CXADR: variants seen among roughly 807,000 people sequenced by gnomAD.
CXADR encodes coxsackievirus and adenovirus receptor.
CXADR carries 20 observed loss-of-function variants against 40.3 expected under a neutral mutation model. The ratio of observed to expected loss-of-function variants is 0.50; its 90% CI spans 0.35 to 0.72. The LOEUF is 0.72. Among genes scored for constraint, CXADR ranks in the 30% least tolerant of loss-of-function variants. CXADR has a pLI of 0.01. For missense variants in CXADR, 332 were observed against 449.1 expected (o/e 0.74, Z 2.36); for synonymous variants, 150 against 161.3 (o/e 0.93, Z 0.53).
At chr21:17,608,398 C>G in the CXADR span, among the ~76,000 whole-genome samples, 2 of 151,342 alleles carry the variant, frequency 1.3e-5, no homozygotes, top group Non-Finnish European at 2.9e-5. Context: ...CCCAGAAAAG[C>G]AAATCCCAGA....
Position 17,547,201 on chromosome 21 carries a change from T to G in CXADR, c.210+8T>G. ...CAGAAGGTGGATCAAGTGGTAAGTTTGATATGTCCTTGCTCGCTTAGCAGC... is the reference window on the plus strand; with the variant it reads ...CAGAAGGTGGATCAAGTGGTAAGTTGGATATGTCCTTGCTCGCTTAGCAGC... On this transcript the variant is annotated splice_region_variant and intron_variant, in intron 2 of 6. Coordinates refer to ENST00000284878, the MANE Select transcript of CXADR (RefSeq NM_001338.5). 11 of 1,614,148 alleles carry G rather than the reference T, an allele frequency of 6.8e-6. No homozygotes were observed. The highest frequency in any genetic ancestry group is 9.3e-6 in the Non-Finnish European group (11 of 1,180,022).
intron 7 of CXADR, among the ~76,000 whole-genome samples, chr21:17,585,899 A>G (rs2061392302): frequency 6.6e-6 from 1 of 152,240 alleles, no homozygotes; most frequent in South Asian, 2.1e-4. Context: ...TATAATAACT[A>G]TGACATAATT....
intron 1 of CXADR, among the ~76,000 whole-genome samples, chr21:17,517,529 A>G (rs2060476441): frequency 6.6e-6 from 1 of 152,134 alleles, no homozygotes; most frequent in Non-Finnish European, 1.5e-5. Context: ...GCACATTCCC[A>G]ATTTCAACCT....
At chr21:17,600,327 A>G in the CXADR span, among the ~76,000 whole-genome samples, 1 of 152,222 alleles carries the variant, frequency 6.6e-6, no homozygotes, top group Non-Finnish European at 1.5e-5. Context: ...AAACACATAC[A>G]GTTAGAAATG....
At chr21:17,573,523 G>A (rs2061296201), downstream of CXADR, among the ~76,000 whole-genome samples, 1 of 152,122 alleles carries the variant, frequency 6.6e-6, no homozygotes, top group Non-Finnish European at 1.5e-5. Flanking sequence ...ATCCTCAACT[G>A]CCTCTGCCTA....
In CXADR at chr21:17,566,748, G is replaced by C. The variant is rs944015019; in HGVS notation, c.*1056G>C. 171 of 965,244 alleles carry C rather than the reference G, an allele frequency of 1.8e-4. No individual in the cohort carries two copies. Among genetic ancestry groups the C allele is most frequent in the Non-Finnish European group, 2.0e-4 (160 of 811,996 alleles). The allele number at this position is 965,244 out of a possible 1,614,324, so 59.8% of individuals were successfully genotyped here. ...ATTTACCCTCTTGAATATAATCCCTGGATGATATTTTTTATCATAAATGCA... is the reference window on the plus strand; with the variant it reads ...ATTTACCCTCTTGAATATAATCCCTCGATGATATTTTTTATCATAAATGCA... On this transcript the variant is annotated 3_prime_UTR_variant, in exon 7 of 7. Transcript: ENST00000284878.
Position 17,547,123 on chromosome 21 carries a change from C to T in CXADR, c.140C>T (p.Pro47Leu), listed in dbSNP as rs747665479. ...AYLPCKFTLS[P>L]EDQGPLDIEW... ...CTGCCATGCAAATTTACGCTTAGTC[C>T]CGAAGACCAGGGACCGCTGGACATC... Residue 47 changes from proline to leucine, a missense_variant, in exon 2 of 7, where the codon CCC (proline) becomes CTC (leucine). Physicochemically the swap from Pro to Leu is moderately conservative, Grantham distance 98. Transcript: ENST00000284878. 1 of 1,614,120 alleles carries T rather than the reference C, an allele frequency of 6.2e-7. No homozygotes were observed. Among genetic ancestry groups the T allele is most frequent in the East Asian group, 2.2e-5 (1 of 44,876 alleles).
At chr21:17,526,839 TTTG>T (rs1413209331) in intron 1 of CXADR, among the ~76,000 whole-genome samples, 1 of 152,180 alleles carries the variant, frequency 6.6e-6, no homozygotes, top group Admixed American at 6.5e-5. Context: ...GTGTTTTGTT[TTTG>T]TTTTTGTTTT....
chr21:17,549,238 A>T (rs2060935964), intron 2 of CXADR, among the ~76,000 whole-genome samples: 1 of 152,168 alleles, frequency 6.6e-6, no homozygotes, highest in African/African-American at 2.4e-5. Flanking sequence ...GCCCAGAGTA[A>T]CAAGTGCAGT....
At chr21:17,563,971 A>G (rs1053856897) in intron 6 of CXADR, among the ~76,000 whole-genome samples, 2 of 138,622 alleles carry the variant, frequency 1.4e-5, no homozygotes, top group African/African-American at 5.0e-5. Context: ...AGGTATTGAT[A>G]CATTTGCTTG....
chr21:17,592,121 AAGG>A (rs1361506190), intron 7 of CXADR, among the ~76,000 whole-genome samples: 5 of 152,050 alleles, frequency 3.3e-5, no homozygotes, highest in Non-Finnish European at 5.9e-5. Context: ...AGAACTAATT[AAGG>A]AGATTTTGTA....
intron 3 of CXADR, among the ~76,000 whole-genome samples, chr21:17,553,265 A>G (rs752032914): frequency 6.6e-6 from 1 of 152,230 alleles, no homozygotes; most frequent in Non-Finnish European, 1.5e-5. Flanking sequence ...TACTCCTCCT[A>G]CAAGTAGACC....
chr21:17,577,501 T>C (rs917975871), intron 7 of CXADR, among the ~76,000 whole-genome samples: 2 of 151,960 alleles, frequency 1.3e-5, no homozygotes, highest in African/African-American at 4.8e-5. Flanking sequence ...GGAGTCTTTT[T>C]CATTCTTTTG....
At chr21:17,547,679 G>C (rs1208412054) in intron 2 of CXADR, among the ~76,000 whole-genome samples, 2 of 152,176 alleles carry the variant, frequency 1.3e-5, no homozygotes, top group Non-Finnish European at 2.9e-5. Context: ...CAACTACATA[G>C]TATTACAGTC....
intron 1 of CXADR, among the ~76,000 whole-genome samples, chr21:17,524,091 A>T (rs566369271): frequency 6.6e-6 from 1 of 150,618 alleles, no homozygotes; most frequent in South Asian, 2.1e-4. Flanking sequence ...TTGGGGTTTC[A>T]CCATGTTGGC....
intron 7 of CXADR, among the ~76,000 whole-genome samples, chr21:17,581,342 A>G (rs1210022260): frequency 6.6e-6 from 1 of 152,220 alleles, no homozygotes; most frequent in Non-Finnish European, 1.5e-5. Context: ...TGAGTAAAGA[A>G]TATTTTGATA....
the CXADR span, among the ~76,000 whole-genome samples, chr21:17,610,512 C>G: frequency 6.6e-6 from 1 of 152,134 alleles, no homozygotes; most frequent in East Asian, 1.9e-4. Flanking sequence ...AAGAAATAAT[C>G]AGAGATTTAG....
chr21:17,525,289 A>G (rs2060585477), intron 1 of CXADR, among the ~76,000 whole-genome samples: 1 of 152,246 alleles, frequency 6.6e-6, no homozygotes, highest in South Asian at 2.1e-4. Context: ...AAGAAATAAA[A>G]GTATGTTAAG....
downstream of CXADR, chr21:17,594,454 C>G (rs1387350159): frequency 8.6e-7 from 1 of 1,160,730 alleles, no homozygotes; most frequent in East Asian, 2.5e-5. Context: ...AGTGACACTC[C>G]TATTGTCAGG....
Sources: allele counts gnomAD v4.1 joint callset (sites outside exome capture counted in the v4.1 genomes callset), GRCh38; gene constraint gnomAD v4.1.1; transcripts MANE v1.5; gene names NCBI Gene and HGNC (gene_info 2026-07-23, HGNC 2026-07-21).